Variants in MPRIP observed in about 807,000 individuals in gnomAD.
MPRIP encodes myosin phosphatase Rho-interacting protein.
Under a neutral mutation model 234.9 loss-of-function variants are expected in MPRIP, and 59 were observed. The ratio of observed to expected loss-of-function variants is 0.25; its 90% confidence interval spans 0.20 to 0.31. The LOEUF (loss-of-function observed/expected upper bound fraction) is 0.31. Ranked by LOEUF, MPRIP falls within the 10% of genes least tolerant of loss-of-function variation. MPRIP has a pLI of 1.00. For missense variants in MPRIP, 2,436 were observed against 3,071.0 expected (o/e 0.79, Z 4.89); for synonymous variants, 1,144 against 1,263.9 (o/e 0.91, Z 2.01).
chr17:17,130,955 G>A (rs1369195290), intron 4 of MPRIP, among the ~76,000 whole-genome samples: 2 of 152,220 alleles, frequency 1.3e-5, no homozygotes, highest in African/African-American at 4.8e-5. Flanking sequence ...ACCCAAGATT[G>A]TGCTGGGATA....
At chr17:17,180,875 G>C (rs2046360593) in intron 23 of MPRIP, among the ~76,000 whole-genome samples, 1 of 152,262 alleles carries the variant, frequency 6.6e-6, no homozygotes, top group South Asian at 2.1e-4. Context: ...CCTCTAGCCT[G>C]GTGGGCAGGC....
chr17:17,067,849 C>T (rs1254411085), intron 1 of MPRIP, among the ~76,000 whole-genome samples: 2 of 120,042 alleles, frequency 1.7e-5, no homozygotes, highest in Non-Finnish European at 3.3e-5. Flanking sequence ...GTTCCTTAAA[C>T]ACTTGTTAGA....
At chr17:17,133,066 T>A (rs1433418859) in intron 5 of MPRIP, among the ~76,000 whole-genome samples, 3 of 152,148 alleles carry the variant, frequency 2.0e-5, no homozygotes. Flanking sequence ...GGAACTTGCT[T>A]GCTCTCCCTC....
intron 3 of MPRIP, among the ~76,000 whole-genome samples, chr17:17,120,686 G>A (rs1287686638): frequency 2.0e-5 from 3 of 146,436 alleles, no homozygotes; most frequent in South Asian, 4.4e-4. Flanking sequence ...ACAGAGGGCC[G>A]TCTCTTTTTT....
intron 12 of MPRIP, among the ~76,000 whole-genome samples, chr17:17,151,497 G>A (rs1352909013): frequency 6.6e-6 from 1 of 152,246 alleles, no homozygotes; most frequent in African/African-American, 2.4e-5. Flanking sequence ...TGTAGCTGCT[G>A]TGGTTGATGG....
intron 4 of MPRIP, among the ~76,000 whole-genome samples, chr17:17,128,189 G>A (rs1053340661): frequency 6.6e-6 from 1 of 152,156 alleles, no homozygotes; most frequent in Non-Finnish European, 1.5e-5. Flanking sequence ...GCACACAGCC[G>A]AGGCTTCCTC....
intron 11 of MPRIP, among the ~76,000 whole-genome samples, chr17:17,148,750 G>A (rs1299750768): frequency 2.6e-5 from 4 of 152,128 alleles, no homozygotes; most frequent in South Asian, 2.1e-4. Context: ...ACAACTGATA[G>A]GCAAAACTGT....
rs1421069650 is a variant in MPRIP at position 17,186,790 on chromosome 17, CT to C, written c.*1899del. The C allele has an allele frequency of 6.6e-6, 1 of 152,368 alleles. No homozygotes were observed. Among genetic ancestry groups the C allele is most frequent in the Non-Finnish European group, 1.5e-5 (1 of 68,058 alleles). The allele number at this position is 152,368 out of a possible 1,614,324, so 9.4% of individuals were successfully genotyped here. ...AGTGCTTTGAGAAATGCACTATGAC[CT>C]TTCTGTGTCAATGGGAATATACAGA... is the stretch of plus-strand genomic sequence containing the variant. On this transcript the variant is annotated 3_prime_UTR_variant, in exon 24 of 24. Transcript: ENST00000651222.
In MPRIP at chr17:17,138,110, G is replaced by A; in HGVS notation, c.931G>A (p.Gly311Ser). Residue 311 changes from glycine (G) to serine (S), a missense_variant, in exon 7 of 24, where the codon GGT becomes AGT. Around this residue, in one of 4 missense-constraint regions of MPRIP, gnomAD observed 267 missense variants for 252.7 expected, o/e 1.06. Transcript: ENST00000651222. This position sits in a 1 kb window ranked among gnomAD's most constrained non-coding sequence, Gnocchi z 5.8. ...CCCCGAGTCGCCCTCCCAGGAGCTC[G>A]GTGGTCCTCTTCCTTCCCCAGGTCC... is the stretch of plus-strand genomic sequence containing the variant. ...SCPESPSQEL[G>S]GPLPSPGPRL... is the part of the protein sequence containing the mutation. 3 of 1,541,694 alleles carry A rather than the reference G, an allele frequency of 1.9e-6. No individual in the cohort carries two copies. Among genetic ancestry groups the A allele is most frequent in the Non-Finnish European group, 8.8e-7 (1 of 1,141,904 alleles).
intron 13 of MPRIP, among the ~76,000 whole-genome samples, chr17:17,155,429 AGACG>A (rs2045706893): frequency 1.3e-5 from 2 of 152,074 alleles, no homozygotes; most frequent in African/African-American, 2.4e-5. Context: ...TTTTTAGTAG[AGACG>A]GGATTTCACC....
chr17:17,048,666 T>TA (rs2088434756), intron 1 of MPRIP, among the ~76,000 whole-genome samples: 1 of 152,022 alleles, frequency 6.6e-6, no homozygotes, highest in East Asian at 1.9e-4. Context: ...TGGCTAGAAT[T>TA]AAAAAAATAA....
intron 23 of MPRIP, 82 bp from the exon 24 acceptor site, chr17:17,184,741 C>T (rs527382794): frequency 3.9e-5 from 40 of 1,029,770 alleles, no homozygotes; most frequent in Admixed American, 5.3e-5. Flanking sequence ...GCTCCACCAG[C>T]GGTCCGGTCT....
intron 14 of MPRIP, among the ~76,000 whole-genome samples, chr17:17,159,801 T>C (rs1019742340): frequency 6.6e-6 from 1 of 152,214 alleles, no homozygotes; most frequent in East Asian, 1.9e-4. Flanking sequence ...GTGTTTCAAA[T>C]GTGTTCTCTT....
chr17:17,142,388 TGCAGG>T (rs1251039012), intron 7 of MPRIP: 8 of 467,926 alleles, frequency 1.7e-5, no homozygotes, highest in African/African-American at 1.2e-4. Context: ...CCACAGAGCC[TGCAGG>T]GCCTCTAGCG....
At chr17:17,115,028 A>G (rs1337389327) in intron 3 of MPRIP, among the ~76,000 whole-genome samples, 3 of 152,274 alleles carry the variant, frequency 2.0e-5, no homozygotes, top group Non-Finnish European at 4.4e-5. Context: ...CACTTGTAGC[A>G]GAAGGCCCAG....
chr17:17,171,930 A>G (rs1255487467), intron 17 of MPRIP, 65 bp downstream of exon 17: 4 of 1,516,352 alleles, frequency 2.6e-6, no homozygotes, highest in East Asian at 2.3e-5. Flanking sequence ...TAGACACACA[A>G]CTCAGAGGAA....
At chr17:17,158,365 A>G in intron 13 of MPRIP, 67 bp from the exon 14 acceptor site, 1 of 1,397,872 alleles carries the variant, frequency 7.2e-7, no homozygotes, top group Non-Finnish European at 9.6e-7. Context: ...CAGCATTGCC[A>G]GCTTCTGCCT....
At chr17:17,178,166 A>G (rs1329508812) in intron 22 of MPRIP, among the ~76,000 whole-genome samples, 2 of 152,132 alleles carry the variant, frequency 1.3e-5, no homozygotes, top group Non-Finnish European at 1.5e-5. Context: ...CAAGCGATCC[A>G]GCCACCTTGG....
chr17:17,119,978 G>T lies in MPRIP; in HGVS notation c.268-6724G>T, dbSNP rs147263225. Reference sequence around the variant, plus strand: ...CATGCTGTCTCAGGACCTCAGGTGTGGGGGGAAGTCAGGTTTCACCTTGAA... The same window carrying T: ...CATGCTGTCTCAGGACCTCAGGTGTTGGGGGAAGTCAGGTTTCACCTTGAA... On this transcript the variant is annotated intron_variant, in intron 3 of 23. Transcript: ENST00000651222. Among the ~76,000 whole-genome samples, 206 of 152,292 alleles carry T rather than the reference G, an allele frequency of 1.4e-3. 2 individuals carry two copies. In the East Asian group the frequency reaches 0.018, roughly 13 times the overall value.
Sources: gnomAD v4.1 joint callset for allele counts (sites outside exome capture counted in the v4.1 genomes callset) on GRCh38, gnomAD v4.1.1 for gene constraint, gnomAD v4.1.1 regional missense constraint, Gnocchi (gnomAD v3.1) non-coding constraint, MANE v1.5 for transcripts, NCBI Gene and HGNC (gene_info 2026-07-23, HGNC 2026-07-21) for gene names.